Variants in HAUS6 observed in about 807,000 individuals in gnomAD.
The protein encoded by HAUS6 is HAUS augmin like complex subunit 6.
HAUS6 carries 80 observed loss-of-function variants against 106.8 expected under a neutral mutation model. The ratio of observed to expected loss-of-function variants is 0.75; its 90% confidence interval spans 0.63 to 0.90. The LOEUF is 0.90. Among genes scored for constraint, HAUS6 ranks in the 40% least tolerant of loss-of-function variants. The probability of loss-of-function intolerance (pLI) is 0.00; values close to 1 mark genes in which losing one functional copy is unlikely to be tolerated. For missense variants in HAUS6, 1,155 were observed against 1,118.1 expected, an observed-to-expected ratio of 1.03 and a Z score of -0.47; for synonymous variants, 356 against 379.1, an observed-to-expected ratio of 0.94 and a Z score of 0.71.
At chr9:19,062,178 G>A (rs889151354) in intron 14 of HAUS6, among the ~76,000 whole-genome samples, 1 of 152,090 alleles carries the variant, frequency 6.6e-6, no homozygotes, top group African/African-American at 2.4e-5. Flanking sequence ...TAAGGGAGGG[G>A]GCTGGTTAGG....
intron 11 of HAUS6, among the ~76,000 whole-genome samples, chr9:19,074,391 C>G (rs1436244228): frequency 6.6e-6 from 1 of 152,116 alleles, no homozygotes; most frequent in Non-Finnish European, 1.5e-5. Flanking sequence ...CCTGCCTCAG[C>G]CTCCTGAATA....
In HAUS6 at chr9:19,078,404, G is replaced by C. The variant is rs539140264; in HGVS notation, c.1065-102C>G. 3.3e-4 allele frequency: 223 copies of C among 682,706 alleles called. 1 individual carries two copies. The South Asian group carries it at 3.9e-3, about 12-fold the overall frequency. The allele number at this position is 682,706 out of a possible 1,614,324, so 42.3% of individuals were successfully genotyped here. A position where few individuals can be genotyped will look rare whatever the true frequency, so the allele number is the denominator to read the frequency against. On this transcript the variant is annotated intron_variant, in intron 9 of 16. Transcript: ENST00000380502. ...AGTTGTAGAGAAGTGGAAGGAAATAGAAGTGAAAGTTCAATCAATATACCA... is the reference window on the plus strand; with the variant it reads ...AGTTGTAGAGAAGTGGAAGGAAATACAAGTGAAAGTTCAATCAATATACCA...
At position 19,082,829 on chromosome 9, in the gene HAUS6, T is replaced by C. The variant is rs374682474; in HGVS notation, c.870+44A>G. ...CATTGCAAGAAAATATACAATTACATGATAGGAGTTTTCTCAAAAGCTTCC... is the reference window on the plus strand; with the variant it reads ...CATTGCAAGAAAATATACAATTACACGATAGGAGTTTTCTCAAAAGCTTCC... On this transcript the variant is annotated intron_variant, in intron 8 of 16. Coordinates refer to ENST00000380502, the MANE Select transcript of HAUS6 (RefSeq NM_017645.5). The C allele has an allele frequency of 1.9e-5, 18 of 964,388 alleles. No homozygotes were observed. The South Asian group carries it at 3.6e-4, about 19-fold the overall frequency. 59.7% of individuals were successfully genotyped at this position (964,388 alleles called of 1,614,324 possible).
At chr9:19,062,395 A>G (rs1410048806) in intron 14 of HAUS6, among the ~76,000 whole-genome samples, 1 of 152,250 alleles carries the variant, frequency 6.6e-6, no homozygotes, top group Non-Finnish European at 1.5e-5. Flanking sequence ...TTATCTAACC[A>G]TGTAATGGTT....
intron 1 of HAUS6, among the ~76,000 whole-genome samples, chr9:19,099,803 A>G (rs2131160846): frequency 6.6e-6 from 1 of 152,310 alleles, no homozygotes. Context: ...TAATCCCAGC[A>G]CTTTGGGAGG....
intron 12 of HAUS6, among the ~76,000 whole-genome samples, chr9:19,066,213 G>A (rs1201762092): frequency 2.6e-5 from 4 of 152,128 alleles, no homozygotes; most frequent in African/African-American, 9.7e-5. Context: ...TGGGATTACA[G>A]GCATGAGCCA....
rs73435368 is a variant in HAUS6, at chr9:19,080,708, A to G, written c.871-36T>C. On this transcript the variant is annotated intron_variant, in intron 8 of 16. Transcript: ENST00000380502. ...AGGAGGAGAAAAAAATTGGTGAACT[A>G]TAGGTTGTTACAACAAACTATTACA... 2,603 of 1,199,602 alleles carry G rather than the reference A, an allele frequency of 2.2e-3. 38 individuals are homozygous for G. In the African/African-American group the frequency reaches 0.034, roughly 16 times the overall value. The allele number at this position is 1,199,602 out of a possible 1,614,324, so 74.3% of individuals were successfully genotyped here.
At chr9:19,083,934 T>C (rs1422525645) in intron 7 of HAUS6, among the ~76,000 whole-genome samples, 1 of 151,504 alleles carries the variant, frequency 6.6e-6, no homozygotes, top group Non-Finnish European at 1.5e-5. Flanking sequence ...CATATACTAA[T>C]CTATATTCAT....
At chr9:19,057,876 T>C in intron 16 of HAUS6, 85 bp downstream of exon 16, 1 of 726,124 alleles carries the variant, frequency 1.4e-6, no homozygotes, top group Non-Finnish European at 2.3e-6. Flanking sequence ...ATAAAGGTCA[T>C]GCAGCATTCT....
intron 5 of HAUS6, among the ~76,000 whole-genome samples, chr9:19,088,459 A>C (rs189647476): frequency 6.6e-6 from 1 of 152,278 alleles, no homozygotes; most frequent in East Asian, 1.9e-4. Flanking sequence ...ATATGCAAAA[A>C]TTTACAGAAT....
rs1836664766 is a variant in HAUS6 at position 19,063,019 on chromosome 9, G to A, written c.1618C>T (p.Leu540=). The change falls in exon 14 of 17, where the codon CTG becomes TTG. Residue 540 remains leucine, a synonymous_variant. Coordinates refer to ENST00000380502, the MANE Select transcript of HAUS6 (RefSeq NM_017645.5). ...SDPFQKEQDH[L]VEEVARAVLS... ...CAGTCTTTTCTCACCTCTTCTACCA[G>A]ATGATCTTGCTCTTTTTGAAATGGA... 4 of 1,608,612 alleles carry A rather than the reference G, an allele frequency of 2.5e-6. No homozygotes were observed. Among genetic ancestry groups the A allele is most frequent in the Non-Finnish European group, 2.5e-6 (3 of 1,177,148 alleles).
At chr9:19,100,558 T>C (rs1007665736) in intron 1 of HAUS6, among the ~76,000 whole-genome samples, 3 of 152,094 alleles carry the variant, frequency 2.0e-5, no homozygotes, top group Non-Finnish European at 4.4e-5. Context: ...TACCCTATGA[T>C]CCAGCAATCC....
rs73417215 is a variant in HAUS6 at position 19,093,414 on chromosome 9, C to T, written c.304-111G>A. 2.1e-3 allele frequency: 1,967 copies of T among 951,356 alleles called. 24 individuals carry two copies. In the African/African-American group the frequency reaches 0.029, roughly 14 times the overall value. The allele number at this position is 951,356 out of a possible 1,614,324, so 58.9% of individuals were successfully genotyped here. A position where few individuals can be genotyped will look rare whatever the true frequency, so the allele number is the denominator to read the frequency against. Reference sequence around the variant, plus strand: ...TGACAGTCTTGCAATAGAAGTCCCACATTTTCATAAGTACTATGCTATAGG... The same window carrying T: ...TGACAGTCTTGCAATAGAAGTCCCATATTTTCATAAGTACTATGCTATAGG... On this transcript the variant is annotated intron_variant, in intron 3 of 16. Transcript: ENST00000380502.
chr9:19,068,516 A>G (rs931071314), intron 12 of HAUS6, among the ~76,000 whole-genome samples: 1 of 152,228 alleles, frequency 6.6e-6, no homozygotes, highest in Non-Finnish European at 1.5e-5. Context: ...ATTACCAATA[A>G]CTCAATTTTA....
In HAUS6 at chr9:19,093,274, A is replaced by C; in HGVS notation, c.333T>G (p.Val111=). 2 of 1,608,664 alleles carry C rather than the reference A, an allele frequency of 1.2e-6. No homozygotes were observed. Among genetic ancestry groups the C allele is most frequent in the South Asian group, 2.2e-5 (2 of 90,118 alleles). The change falls in exon 4 of 17, where the codon GTT becomes GTG. Residue 111 remains valine (V), a synonymous_variant. Coordinates refer to ENST00000380502, the MANE Select transcript of HAUS6 (RefSeq NM_017645.5). The stretch of plus-strand genomic sequence containing the variant: ...CAGGAGAAAGAAATAGTGAACCAAC[A>C]ACTTGAGGAAAGCTACTTCCACATT... ...SGECGSSFPQ[V]VGSLFLSPGG...
chr9:19,102,665 A>G lies in HAUS6; in HGVS notation c.-14T>C. The G allele has an allele frequency of 1.9e-6, 3 of 1,608,272 alleles. No individual in the cohort carries two copies. Among genetic ancestry groups the G allele is most frequent in the Non-Finnish European group, 2.5e-6 (3 of 1,177,110 alleles). ...GGCCGAGCTCATCCTCGCGGTAGGC[A>G]CGGTGGCTGCAAAGAAAGAAAGCGC... On this transcript the variant is annotated 5_prime_UTR_variant, in exon 1 of 17. Transcript: ENST00000380502.
At chr9:19,096,807 A>T in intron 1 of HAUS6, 38 bp from the exon 2 acceptor site, 1 of 947,954 alleles carries the variant, frequency 1.1e-6, no homozygotes, top group Non-Finnish European at 1.6e-6. Context: ...GAAAAAGAAA[A>T]AGGTTAATAA....
At chr9:19,066,664 GT>G (rs1226753528) in intron 12 of HAUS6, among the ~76,000 whole-genome samples, 3 of 151,880 alleles carry the variant, frequency 2.0e-5, no homozygotes, top group Non-Finnish European at 4.4e-5. Context: ...CTGAATTCTG[GT>G]TTTAAGTATA....
chr9:19,065,775 C>T (rs1395166696), intron 12 of HAUS6, among the ~76,000 whole-genome samples: 1 of 151,880 alleles, frequency 6.6e-6, no homozygotes, highest in Non-Finnish European at 1.5e-5. Context: ...CAGGAGGCAG[C>T]AGTTGCAGTG....
Sources: gnomAD v4.1 joint callset for allele counts (sites outside exome capture counted in the v4.1 genomes callset) on GRCh38, gnomAD v4.1.1 for gene constraint, MANE v1.5 for transcripts, NCBI Gene and HGNC (gene_info 2026-07-23, HGNC 2026-07-21) for gene names.